Variants in FAM83B observed in about 807,000 individuals in gnomAD.
The protein encoded by FAM83B is protein FAM83B.
In FAM83B, 26 loss-of-function variants were observed where a neutral mutation model predicts 38.8. That is an observed-to-expected ratio of 0.67 (90% CI 0.49 to 0.93). The LOEUF is 0.93. Among genes scored for constraint, FAM83B ranks in the 40% least tolerant of loss-of-function variants. FAM83B has a pLI of 0.00. For missense variants in FAM83B, 1,237 were observed against 1,197.3 expected, an observed-to-expected ratio of 1.03 and a Z score of -0.49; for synonymous variants, 419 against 423.1, an observed-to-expected ratio of 0.99 and a Z score of 0.12.
At chr6:54,884,390 G>A (rs541220948) in intron 2 of FAM83B, among the ~76,000 whole-genome samples, 22 of 150,212 alleles carry the variant, frequency 1.5e-4, no homozygotes, top group Non-Finnish European at 3.0e-4. Context: ...GCTGAGTCAT[G>A]AGAATTGCTT....
rs745319622 is a variant in FAM83B at position 54,940,815 on chromosome 6, A to G, written c.1844A>G (p.Gln615Arg). ...QSEAPKMHTL[Q>R]VPENHSVALN... ...GAGGCACCAAAAATGCACACCTTGC[A>G]GGTTCCTGAAAACCACTCAGTAGCC... is the stretch of plus-strand genomic sequence containing the variant. Residue 615 changes from glutamine (Q) to arginine (R), a missense_variant, in exon 5 of 5, where the codon CAG becomes CGG. Coordinates refer to ENST00000306858, the MANE Select transcript of FAM83B (RefSeq NM_001010872.3). 13 of 1,613,976 alleles carry G rather than the reference A, an allele frequency of 8.1e-6. No homozygotes were observed. Among genetic ancestry groups the G allele is most frequent in the Non-Finnish European group, 1.1e-5 (13 of 1,179,984 alleles).
intron 2 of FAM83B, among the ~76,000 whole-genome samples, chr6:54,906,224 C>T (rs1016066069): frequency 6.6e-6 from 1 of 151,958 alleles, no homozygotes; most frequent in African/African-American, 2.4e-5. Flanking sequence ...TAAACTAGGT[C>T]ATTTATACCA....
chr6:54,926,031 G>T (rs1464395872), intron 2 of FAM83B, among the ~76,000 whole-genome samples: 1 of 152,072 alleles, frequency 6.6e-6, no homozygotes, highest in East Asian at 1.9e-4. Flanking sequence ...TAGAAAAATT[G>T]TAACACTGGT....
At chr6:54,853,705 C>G (rs1771366608) in intron 1 of FAM83B, among the ~76,000 whole-genome samples, 1 of 152,166 alleles carries the variant, frequency 6.6e-6, no homozygotes, top group African/African-American at 2.4e-5. Flanking sequence ...CCTAAGAGAT[C>G]TGATGGAGAT....
chr6:54,914,128 C>CT (rs1333579980), intron 2 of FAM83B, among the ~76,000 whole-genome samples: 1 of 151,918 alleles, frequency 6.6e-6, no homozygotes, highest in African/African-American at 2.4e-5. Context: ...TTTCCCTCTC[C>CT]TTTTTTGGTA....
chr6:54,879,996 A>G (rs1490285765), intron 2 of FAM83B, among the ~76,000 whole-genome samples: 2 of 152,158 alleles, frequency 1.3e-5, no homozygotes, highest in Non-Finnish European at 1.5e-5. Context: ...TTTGTTTTAA[A>G]GCTATTTTTA....
rs536977857 is a variant in FAM83B at position 54,944,342 on chromosome 6, T to G, written c.*2335T>G. On this transcript the variant is annotated 3_prime_UTR_variant, in exon 5 of 5. Coordinates refer to ENST00000306858, the MANE Select transcript of FAM83B (RefSeq NM_001010872.3). ...TTTGATGTACATTGATATTAAAGTT[T>G]GGTAATGCAGCTTTTACTGTCTACA... 9 of 152,334 alleles carry G rather than the reference T, an allele frequency of 5.9e-5. No homozygotes were observed. Among genetic ancestry groups the G allele is most frequent in the African/African-American group, 2.2e-4 (9 of 41,594 alleles). 9.4% of individuals were successfully genotyped at this position (152,334 alleles called of 1,614,324 possible).
chr6:54,920,201 T>C (rs1773139377), intron 2 of FAM83B, among the ~76,000 whole-genome samples: 1 of 151,846 alleles, frequency 6.6e-6, no homozygotes, highest in African/African-American at 2.4e-5. Flanking sequence ...TAGCAGATTG[T>C]TTTTGACAGG....
chr6:54,916,750 G>C (rs1773049262), intron 2 of FAM83B, among the ~76,000 whole-genome samples: 1 of 152,108 alleles, frequency 6.6e-6, no homozygotes, highest in South Asian at 2.1e-4. Flanking sequence ...CCTCTCTTCT[G>C]GATAGTACAC....
intron 2 of FAM83B, among the ~76,000 whole-genome samples, chr6:54,922,060 C>A (rs6909227): frequency 0.035 from 5,354 of 152,104 alleles, 303 homozygotes; most frequent in African/African-American, 0.12. Context: ...ATAATCTAGT[C>A]TTCTGGATGC....
intron 2 of FAM83B, among the ~76,000 whole-genome samples, chr6:54,907,514 A>G (rs933361723): frequency 5.3e-5 from 8 of 152,182 alleles, no homozygotes; most frequent in East Asian, 3.9e-4. Flanking sequence ...TTTACTTTCA[A>G]TTTCTATACT....
intron 2 of FAM83B, among the ~76,000 whole-genome samples, chr6:54,885,443 T>C (rs1290823243): frequency 6.6e-6 from 1 of 152,180 alleles, no homozygotes; most frequent in Admixed American, 6.5e-5. Context: ...TATGGAAATA[T>C]ATTTTTTGTA....
chr6:54,932,402 C>T (rs1010716515), intron 4 of FAM83B, among the ~76,000 whole-genome samples: 1 of 152,126 alleles, frequency 6.6e-6, no homozygotes, highest in African/African-American at 2.4e-5. Context: ...AGCTCTATTC[C>T]TCACTTTACA....
chr6:54,892,061 C>T (rs1772415580), intron 2 of FAM83B, among the ~76,000 whole-genome samples: 1 of 152,102 alleles, frequency 6.6e-6, no homozygotes, highest in Admixed American at 6.6e-5. Flanking sequence ...TTGCAACAGT[C>T]CCCTTAACTT....
intron 2 of FAM83B, among the ~76,000 whole-genome samples, chr6:54,909,395 T>C (rs1008966647): frequency 2.0e-5 from 3 of 152,190 alleles, no homozygotes; most frequent in African/African-American, 7.2e-5. Flanking sequence ...ATTGCGGTTC[T>C]TGCCATTACT....
intron 1 of FAM83B, among the ~76,000 whole-genome samples, chr6:54,851,204 CTT>C (rs1056034304): frequency 6.6e-6 from 1 of 151,386 alleles, no homozygotes; most frequent in Non-Finnish European, 1.5e-5. Context: ...GCCTTTTCAT[CTT>C]TTTTTGTCAC....
intron 2 of FAM83B, among the ~76,000 whole-genome samples, chr6:54,910,434 C>CTCTG (rs1161001888): frequency 6.6e-6 from 1 of 152,190 alleles, no homozygotes; most frequent in Non-Finnish European, 1.5e-5. Context: ...TTCCATGCTT[C>CTCTG]TCTGCCCTTT....
intron 2 of FAM83B, among the ~76,000 whole-genome samples, chr6:54,877,871 C>T (rs41431945): frequency 6.6e-6 from 1 of 152,032 alleles, no homozygotes; most frequent in African/African-American, 2.4e-5. Flanking sequence ...TGTTTGAAGA[C>T]CTGGTTGAGA....
At chr6:54,922,707 C>T (rs1773198384) in intron 2 of FAM83B, among the ~76,000 whole-genome samples, 1 of 152,000 alleles carries the variant, frequency 6.6e-6, no homozygotes, top group South Asian at 2.1e-4. Flanking sequence ...AATGTTATCA[C>T]AGATAAAATT....
Sources: allele counts gnomAD v4.1 joint callset (sites outside exome capture counted in the v4.1 genomes callset), GRCh38; gene constraint gnomAD v4.1.1; transcripts MANE v1.5; gene names NCBI Gene and HGNC (gene_info 2026-07-23, HGNC 2026-07-21).